Variants in CBR4 observed in about 807,000 individuals in gnomAD.
CBR4 encodes the protein carbonyl reductase 4, also known as 3-oxoacyl-[acyl-carrier-protein] reductase.
Under a neutral mutation model 21.0 loss-of-function variants are expected in CBR4, and 22 were observed. The ratio of observed to expected loss-of-function variants is 1.05; its 90% CI spans 0.75 to 1.50. CBR4 has a LOEUF of 1.50. Ranked by LOEUF, CBR4 falls within the 40% of genes most tolerant of loss-of-function variation. The probability of loss-of-function intolerance (pLI) is 0.00; values close to 1 mark genes in which losing one functional copy is unlikely to be tolerated. For synonymous variants in CBR4, 100 were observed against 104.4 expected, an observed-to-expected ratio of 0.96 and a Z score of 0.26; for missense variants, 302 against 286.3, an observed-to-expected ratio of 1.05 and a Z score of -0.40.
chr4:168,985,311 A>G (rs1764654111), downstream of CBR4, among the ~76,000 whole-genome samples: 1 of 152,204 alleles, frequency 6.6e-6, no homozygotes, highest in African/African-American at 2.4e-5. Flanking sequence ...ACTAAACACT[A>G]AGGAAATGCA....
chr4:168,904,037 ACATC>A (rs1290729153), intron 2 of CBR4: 2 of 896,390 alleles, frequency 2.2e-6, no homozygotes, highest in Admixed American at 3.9e-5. Flanking sequence ...TCCAAATTCT[ACATC>A]CATCTTGGTT....
At chr4:168,992,883 T>C (rs935483857) in intron 4 of CBR4, among the ~76,000 whole-genome samples, 3 of 152,232 alleles carry the variant, frequency 2.0e-5, no homozygotes, top group Non-Finnish European at 4.4e-5. Flanking sequence ...TTTTGTATTA[T>C]GTATGTTTCA....
At chr4:168,949,155 G>GATTC (rs1763472680) in intron 2 of CBR4, among the ~76,000 whole-genome samples, 1 of 151,958 alleles carries the variant, frequency 6.6e-6, no homozygotes, top group Non-Finnish European at 1.5e-5. Context: ...TTCTTGATTT[G>GATTC]ATTCTCTGCT....
intron 2 of CBR4, among the ~76,000 whole-genome samples, chr4:168,952,782 TCAG>T (rs1763578315): frequency 6.6e-6 from 1 of 152,216 alleles, no homozygotes; most frequent in African/African-American, 2.4e-5. Flanking sequence ...TATGGGTCTC[TCAG>T]CCATGGATAC....
chr4:168,985,681 C>A (rs10866328), downstream of CBR4, among the ~76,000 whole-genome samples: 81,416 of 151,988 alleles, frequency 0.54, 25,012 homozygotes, highest in East Asian at 0.87. Flanking sequence ...ACATATGCAC[C>A]ATGGAATACA....
intron 2 of CBR4, among the ~76,000 whole-genome samples, chr4:168,963,303 T>C (rs1383075745): frequency 6.6e-6 from 1 of 152,162 alleles, no homozygotes; most frequent in East Asian, 1.9e-4. Context: ...AGATACTTCA[T>C]AAATTAGTCA....
intron 4 of CBR4, among the ~76,000 whole-genome samples, chr4:168,999,090 A>G (rs1730185683): frequency 6.6e-6 from 1 of 152,148 alleles, no homozygotes; most frequent in African/African-American, 2.4e-5. Flanking sequence ...ATTTCCCATG[A>G]ACAGTTTATT....
At chr4:168,933,185 A>G (rs1454111387) in intron 2 of CBR4, among the ~76,000 whole-genome samples, 1 of 152,222 alleles carries the variant, frequency 6.6e-6, no homozygotes, top group African/African-American at 2.4e-5. Flanking sequence ...CTTGAATGTA[A>G]ATAAATTAAA....
chr4:168,969,248 T>A (rs921812865), intron 2 of CBR4, among the ~76,000 whole-genome samples: 1 of 152,232 alleles, frequency 6.6e-6, no homozygotes, highest in Non-Finnish European at 1.5e-5. Context: ...GGGTTCTTCA[T>A]GAAGGAGACC....
chr4:168,954,763 C>G (rs1396632960), intron 2 of CBR4, among the ~76,000 whole-genome samples: 2 of 152,054 alleles, frequency 1.3e-5, no homozygotes, highest in African/African-American at 4.8e-5. Context: ...AAGAGAGGAT[C>G]CAACGTATTA....
intron 2 of CBR4, among the ~76,000 whole-genome samples, chr4:168,936,892 C>T (rs920633290): frequency 1.3e-5 from 2 of 152,240 alleles, no homozygotes; most frequent in East Asian, 3.9e-4. Context: ...ACTTCCCCAA[C>T]CTAGCAAGAT....
intron 2 of CBR4, among the ~76,000 whole-genome samples, chr4:168,932,213 G>T (rs1301766985): frequency 6.6e-6 from 1 of 151,394 alleles, no homozygotes; most frequent in East Asian, 1.9e-4. Context: ...AGTAATTCAT[G>T]ATTTGAATGA....
intron 2 of CBR4, among the ~76,000 whole-genome samples, chr4:168,901,509 G>T (rs974192529): frequency 6.6e-6 from 1 of 152,198 alleles, no homozygotes. Context: ...ATTGTGGCAA[G>T]AATGCAAAAG....
chr4:168,986,050 A>C (rs942564183), downstream of CBR4, among the ~76,000 whole-genome samples: 6 of 152,004 alleles, frequency 3.9e-5, no homozygotes, highest in Non-Finnish European at 7.4e-5. Context: ...TGTACCCCCT[A>C]AATCTAAAAT....
chr4:168,933,065 C>G (rs1463895005), intron 2 of CBR4, among the ~76,000 whole-genome samples: 1 of 151,918 alleles, frequency 6.6e-6, no homozygotes, highest in Non-Finnish European at 1.5e-5. Flanking sequence ...TACAGAAAAC[C>G]ACTAAGCCAC....
intron 2 of CBR4, chr4:168,921,490 CT>C: frequency 7.4e-7 from 1 of 1,342,682 alleles, no homozygotes. Context: ...TGATTTCACT[CT>C]GTTTTAATAC....
At position 168,990,232 on chromosome 4, in the gene CBR4, T is replaced by C. The variant is rs148436797; in HGVS notation, c.632A>G (p.His211Arg). ...GRFGETIEVA[H>R]AVVFLLESPY... ...TGATTCTAAAAGAAACACAACCGCATGTGCCACCTCAATAGTTTCTCCAAA... is the reference window on the plus strand; with the variant it reads ...TGATTCTAAAAGAAACACAACCGCACGTGCCACCTCAATAGTTTCTCCAAA... The change falls in exon 5 of 5, where the codon CAT becomes CGT. Residue 211 changes from histidine (H) to arginine (R), a missense_variant. Transcript: ENST00000306193. The C allele has an allele frequency of 9.9e-6, 16 of 1,613,818 alleles. No homozygotes were observed. In the African/African-American group the frequency reaches 1.1e-4, roughly 11 times the overall value.
rs547799557 is a variant in CBR4 at position 168,933,063 on chromosome 4, A to G, written n.170-38298T>C. Among the ~76,000 whole-genome samples, 137 of 152,268 alleles carry G rather than the reference A, an allele frequency of 9.0e-4. 2 individuals carry two copies. The South Asian group carries it at 0.028, about 31-fold the overall frequency. The stretch of plus-strand genomic sequence containing the variant: ...GAATCAAACCTTATCACTACAGAAA[A>G]CCACTAAGCCACAAAAATAAACAAT... On this transcript the variant is annotated intron_variant and non_coding_transcript_variant, in intron 2 of 3. Transcript: ENST00000509108.
intron 2 of CBR4, among the ~76,000 whole-genome samples, chr4:168,947,810 T>C (rs1334283036): frequency 6.6e-6 from 1 of 152,232 alleles, no homozygotes; most frequent in African/African-American, 2.4e-5. Flanking sequence ...TCCACGATTT[T>C]GCAATTGTGA....
Sources: gnomAD v4.1 joint callset for allele counts (sites outside exome capture counted in the v4.1 genomes callset) on GRCh38, gnomAD v4.1.1 for gene constraint, MANE v1.5 for transcripts, NCBI Gene and HGNC (gene_info 2026-07-23, HGNC 2026-07-21) for gene names.